TPRG1: variants seen among roughly 807,000 people sequenced by gnomAD.
TPRG1 encodes the protein tumor protein p63 regulated 1.
TPRG1 carries 29 observed loss-of-function variants against 29.3 expected under a neutral mutation model. That is an observed-to-expected ratio of 0.99 (90% confidence interval 0.74 to 1.35). The LOEUF is 1.35. TPRG1 is among the 40% of genes most tolerant of loss of function. TPRG1 has a pLI of 0.00. For missense variants in TPRG1, 327 were observed against 335.0 expected (o/e 0.98, Z 0.19); for synonymous variants, 130 against 116.8 (o/e 1.11, Z -0.73).
chr3:189,221,121 T>C (rs961990137), intron 3 of TPRG1, among the ~76,000 whole-genome samples: 1 of 152,116 alleles, frequency 6.6e-6, no homozygotes, highest in Non-Finnish European at 1.5e-5. Context: ...AGTAAGACTT[T>C]ATGATTGGAA....
intron 1 of TPRG1, among the ~76,000 whole-genome samples, chr3:189,115,553 G>A (rs1259182133): frequency 6.6e-6 from 1 of 152,196 alleles, no homozygotes; most frequent in Non-Finnish European, 1.5e-5. Context: ...TTATAATGCA[G>A]ACTTTTAAAG....
At chr3:189,195,048 G>C (rs1732311098) in intron 1 of TPRG1, among the ~76,000 whole-genome samples, 3 of 152,116 alleles carry the variant, frequency 2.0e-5, no homozygotes, top group South Asian at 4.1e-4. Flanking sequence ...TACTATGTAA[G>C]CCCAACCCTG....
intron 4 of TPRG1, among the ~76,000 whole-genome samples, chr3:189,043,761 G>A (rs1214498004): frequency 6.6e-6 from 1 of 152,052 alleles, no homozygotes; most frequent in Non-Finnish European, 1.5e-5. Context: ...GGGGCTAGTG[G>A]TTGAATCACT....
intron 4 of TPRG1, among the ~76,000 whole-genome samples, chr3:189,079,667 G>C (rs1717454060): frequency 6.6e-6 from 1 of 151,984 alleles, no homozygotes; most frequent in African/African-American, 2.4e-5. Flanking sequence ...TGTTTCTCTT[G>C]GCTTTGATTG....
Position 189,129,010 on chromosome 3 carries a change from A to G in TPRG1, c.-590+1800A>G, listed in dbSNP as rs561954319. On this transcript the variant is annotated intron_variant, in intron 2 of 6. Coordinates refer to the TPRG1 transcript ENST00000412373. ...GAAAAACAAAAACAAAAACAACAGC[A>G]GCAGCAACTTCTCCTAATGTTAACA... 9.8e-5 allele frequency among the ~76,000 whole-genome samples: 15 copies of G among 152,364 alleles called. No homozygotes were observed. The South Asian group carries it at 3.1e-3, about 32-fold the overall frequency.
At chr3:189,120,011 T>A (rs1447264979) in intron 1 of TPRG1, among the ~76,000 whole-genome samples, 2 of 152,174 alleles carry the variant, frequency 1.3e-5, no homozygotes, top group Non-Finnish European at 2.9e-5. Context: ...TTGTCAAGTG[T>A]CTTGGAGACA....
At chr3:189,225,746 C>T (rs995921399) in intron 3 of TPRG1, among the ~76,000 whole-genome samples, 1 of 151,906 alleles carries the variant, frequency 6.6e-6, no homozygotes, top group Non-Finnish European at 1.5e-5. Context: ...AAGAAGAGCA[C>T]GTAGAGCAAG....
At position 189,321,452 on chromosome 3, in the gene TPRG1, A is replaced by G. The variant is rs1337370253; in HGVS notation, c.*632A>G. On this transcript the variant is annotated 3_prime_UTR_variant, in exon 6 of 6. Transcript: ENST00000345063. ...TGATTTCTCTAAATTCCTTGCCATG[A>G]CATCCTATATATGATCACATCTCTA... is the stretch of plus-strand genomic sequence containing the variant. The G allele has an allele frequency of 1.3e-5, 2 of 152,070 alleles. No individual in the cohort carries two copies. The highest frequency in any genetic ancestry group is 4.8e-5 in the African/African-American group (2 of 41,420). 9.4% of individuals were successfully genotyped at this position (152,070 alleles called of 1,614,324 possible).
chr3:189,001,407 T>A (rs1712010847), intron 2 of TPRG1, among the ~76,000 whole-genome samples: 1 of 152,172 alleles, frequency 6.6e-6, no homozygotes, highest in Admixed American at 6.5e-5. Flanking sequence ...AATTCTAAGA[T>A]CAAGGTATTG....
chr3:189,238,807 A>C lies in TPRG1; in HGVS notation c.377A>C (p.Asp126Ala). The change falls in exon 4 of 6, where the codon GAC becomes GCC. Residue 126 changes from aspartate (D) to alanine (A), a missense_variant. Transcript: ENST00000345063. ...AAGACTCTCTTGATCTGCAAATACG[A>C]CTTCATCATGCTGAGTTGTGTGCAG... ...TDKTLLICKYDFIMLSCVQLQ... is the reference protein window; with the variant it reads ...TDKTLLICKYAFIMLSCVQLQ... The C allele has an allele frequency of 6.2e-7, 1 of 1,613,774 alleles. No individual in the cohort carries two copies. Among genetic ancestry groups the C allele is most frequent in the Non-Finnish European group, 8.5e-7 (1 of 1,179,736 alleles).
At position 189,320,846 on chromosome 3, in the gene TPRG1, T is replaced by C. The variant is rs747661499; in HGVS notation, c.*26T>C. On this transcript the variant is annotated 3_prime_UTR_variant, in exon 6 of 6. Coordinates refer to ENST00000345063, the MANE Select transcript of TPRG1 (RefSeq NM_198485.4). ...GAGTCTTTTTGGTACCATAAGCATA[T>C]CATCCACAGATATGTCACTTTGAAA... 25 of 1,509,630 alleles carry C rather than the reference T, an allele frequency of 1.7e-5. No individual in the cohort carries two copies. The Admixed American group carries it at 1.7e-4, about 10-fold the overall frequency. The allele number at this position is 1,509,630 out of a possible 1,614,324, so 93.5% of individuals were successfully genotyped here. A position where few individuals can be genotyped will look rare whatever the true frequency, so the allele number is the denominator to read the frequency against.
intron 3 of TPRG1, among the ~76,000 whole-genome samples, chr3:189,235,637 T>A (rs1213936687): frequency 6.6e-6 from 1 of 152,142 alleles, no homozygotes; most frequent in Non-Finnish European, 1.5e-5. Flanking sequence ...ATTCTAGGAA[T>A]GGTGTGTCTC....
upstream of TPRG1, among the ~76,000 whole-genome samples, chr3:189,168,960 A>C (rs896868348): frequency 2.0e-5 from 3 of 152,200 alleles, no homozygotes; most frequent in East Asian, 5.8e-4. Context: ...TGCCCCAGGC[A>C]GTGTGTAAGA....
intron 5 of TPRG1, among the ~76,000 whole-genome samples, chr3:189,165,241 C>T (rs1295913655): frequency 6.6e-6 from 1 of 151,840 alleles, no homozygotes; most frequent in African/African-American, 2.4e-5. Context: ...TGCCTTCTAA[C>T]CTTACCACAC....
chr3:189,078,036 C>A (rs982123748), intron 4 of TPRG1, among the ~76,000 whole-genome samples: 3 of 149,554 alleles, frequency 2.0e-5, no homozygotes, highest in African/African-American at 7.4e-5. Context: ...TCCTTCCTTC[C>A]TTCCTTCCTT....
At chr3:189,310,354 G>A (rs537318391) in intron 4 of TPRG1, 32 bp from the exon 5 acceptor site, 2 of 1,495,464 alleles carry the variant, frequency 1.3e-6, no homozygotes, top group African/African-American at 1.4e-5. Flanking sequence ...AAATGGAAAT[G>A]ACTAATCTAA....
At chr3:189,162,984 T>G (rs1401590043) in intron 5 of TPRG1, among the ~76,000 whole-genome samples, 1 of 152,000 alleles carries the variant, frequency 6.6e-6, no homozygotes, top group Non-Finnish European at 1.5e-5. Context: ...TAACATAGAG[T>G]TCTTAGGCTG....
intron 1 of TPRG1, among the ~76,000 whole-genome samples, chr3:189,186,320 G>C (rs9861230): frequency 0.56 from 85,871 of 152,012 alleles, 25,674 homozygotes; most frequent in African/African-American, 0.77. Flanking sequence ...TTTGCCCAGG[G>C]TACGAAGGCT....
intron 4 of TPRG1, among the ~76,000 whole-genome samples, chr3:189,289,487 G>T (rs1407718247): frequency 6.6e-6 from 1 of 151,748 alleles, no homozygotes; most frequent in East Asian, 1.9e-4. Context: ...TGAGATTCTG[G>T]AGACCTGCTG....
Sources: allele counts gnomAD v4.1 joint callset (sites outside exome capture counted in the v4.1 genomes callset), GRCh38; gene constraint gnomAD v4.1.1; transcripts MANE v1.5; gene names NCBI Gene and HGNC (gene_info 2026-07-23, HGNC 2026-07-21).